Variants in EBF2 observed in about 807,000 individuals in gnomAD.
The protein encoded by EBF2 is transcription factor COE2.
EBF2 carries 21 observed loss-of-function variants against 72.8 expected under a neutral mutation model. The observed-to-expected ratio is 0.29, with a 90% confidence interval of 0.20 to 0.42. EBF2 has a LOEUF of 0.42. Among genes scored for constraint, EBF2 ranks in the 10% least tolerant of loss-of-function variants. The pLI is 1.00. For synonymous variants in EBF2, 299 were observed against 274.2 expected (o/e 1.09, Z -0.89); for missense variants, 637 against 731.2 (o/e 0.87, Z 1.49).
At chr8:26,038,711 T>C (rs1355487331) in intron 5 of EBF2, among the ~76,000 whole-genome samples, 2 of 152,240 alleles carry the variant, frequency 1.3e-5, no homozygotes, top group Non-Finnish European at 2.9e-5. Flanking sequence ...TCTATCTTCT[T>C]ACTCCTCCCA....
At chr8:26,035,354 T>G (rs947230195) in intron 5 of EBF2, among the ~76,000 whole-genome samples, 1 of 152,138 alleles carries the variant, frequency 6.6e-6, no homozygotes, top group Non-Finnish European at 1.5e-5. Context: ...CTTGCTGTGT[T>G]GCCCAGGCTG....
chr8:25,942,120 A>G (rs1803684726), intron 6 of EBF2, among the ~76,000 whole-genome samples: 1 of 152,216 alleles, frequency 6.6e-6, no homozygotes. Flanking sequence ...AGAGGTGAGC[A>G]CAGAGAGCAC....
intron 6 of EBF2, among the ~76,000 whole-genome samples, chr8:25,978,603 A>G (rs901173): frequency 0.27 from 40,650 of 152,066 alleles, 5,946 homozygotes; most frequent in Middle Eastern, 0.43. Flanking sequence ...ACATGAATGA[A>G]AGCGGAAAGG....
chr8:25,873,368 G>C (rs1462656088), intron 10 of EBF2, among the ~76,000 whole-genome samples: 1 of 152,190 alleles, frequency 6.6e-6, no homozygotes, highest in East Asian at 1.9e-4. Flanking sequence ...TTGGAGCAGT[G>C]GCTTTCTTCT....
Position 26,041,185 on chromosome 8 carries a change from C to T in EBF2, c.289-183G>A, listed in dbSNP as rs534528998. 15 of 652,790 alleles carry T rather than the reference C, an allele frequency of 2.3e-5. 1 individual carries two copies. The highest frequency in any genetic ancestry group is 2.0e-4 in the South Asian group (11 of 53,706). The allele number at this position is 652,790 out of a possible 1,614,324, so 40.4% of individuals were successfully genotyped here. A position where few individuals can be genotyped will look rare whatever the true frequency, so the allele number is the denominator to read the frequency against. ...GCCTGTCCTTGGCCGCCCCCGGAAA[C>T]TTGCCAAGACTCGTAGCCACTTGAC... On this transcript the variant is annotated intron_variant, in intron 2 of 15. Coordinates refer to ENST00000520164, the MANE Select transcript of EBF2 (RefSeq NM_022659.4).
intron 15 of EBF2, among the ~76,000 whole-genome samples, chr8:25,849,781 C>G (rs929021215): frequency 5.3e-5 from 8 of 152,144 alleles, no homozygotes; most frequent in African/African-American, 1.9e-4. Context: ...TTCTTAGAAA[C>G]TATGACTTTT....
chr8:26,044,631 GGAGA>G lies in EBF2; in HGVS notation c.131+94_131+97del, dbSNP rs1278173712. ...GCCTGGGCGACAGATGGGGGGACAG[GGAGA>G]GAGAAAGGCACGGGGTGCGCGGGGG... On this transcript the variant is annotated intron_variant, in intron 1 of 15. Coordinates refer to ENST00000520164, the MANE Select transcript of EBF2 (RefSeq NM_022659.4). The surrounding 1 kb of genome is among the most constrained non-coding windows in gnomAD (Gnocchi z 4.1). The G allele has an allele frequency of 2.2e-5, 33 of 1,510,414 alleles. No individual in the cohort carries two copies. The highest frequency in any genetic ancestry group is 2.8e-5 in the Non-Finnish European group (31 of 1,117,374). 93.6% of individuals were successfully genotyped at this position (1,510,414 alleles called of 1,614,324 possible).
At chr8:25,911,478 A>T (rs574980789) in intron 6 of EBF2, among the ~76,000 whole-genome samples, 1 of 152,260 alleles carries the variant, frequency 6.6e-6, no homozygotes, top group South Asian at 2.1e-4. Flanking sequence ...TCCGGTCCCT[A>T]GGTCAGTGGG....
chr8:25,915,609 A>G (rs1009911774), intron 6 of EBF2, among the ~76,000 whole-genome samples: 1 of 10,524 alleles, frequency 9.5e-5, no homozygotes, highest in Admixed American at 1.5e-3. Flanking sequence ...AGCCTTTTGG[A>G]AAAAAAAAAA....
rs1354066136 is a variant in EBF2 at position 25,888,015 on chromosome 8, G to A, written c.752-43C>T. 3 of 1,548,742 alleles carry A rather than the reference G, an allele frequency of 1.9e-6. No homozygotes were observed. In the African/African-American group the frequency reaches 4.1e-5, roughly 21 times the overall value. On this transcript the variant is annotated intron_variant, in intron 8 of 15. Coordinates refer to ENST00000520164, the MANE Select transcript of EBF2 (RefSeq NM_022659.4). ...AAAAAGTCAGGTTTGTTCTTTCATGGGTGTCCAACTTTTTGGCTTCCCAGG... is the reference window on the plus strand; with the variant it reads ...AAAAAGTCAGGTTTGTTCTTTCATGAGTGTCCAACTTTTTGGCTTCCCAGG...
chr8:25,914,567 T>C (rs1277173791), intron 6 of EBF2, among the ~76,000 whole-genome samples: 2 of 152,186 alleles, frequency 1.3e-5, no homozygotes, highest in Admixed American at 1.3e-4. Flanking sequence ...GGGCTCTTGT[T>C]ACACCCTACA....
intron 6 of EBF2, among the ~76,000 whole-genome samples, chr8:26,025,632 CT>C (rs911794341): frequency 6.6e-6 from 1 of 152,082 alleles, no homozygotes; most frequent in African/African-American, 2.4e-5. Context: ...AATTTTGTTT[CT>C]TTTTTACCAC....
chr8:25,886,623 T>C (rs1233085080), intron 10 of EBF2, 132 bp downstream of exon 10: 4 of 1,074,894 alleles, frequency 3.7e-6, no homozygotes, highest in Non-Finnish European at 5.2e-6. Flanking sequence ...TCAACATCTA[T>C]CACTCAGCTC....
intron 6 of EBF2, among the ~76,000 whole-genome samples, chr8:25,930,971 C>T (rs1300179876): frequency 2.0e-5 from 3 of 152,100 alleles, no homozygotes; most frequent in Non-Finnish European, 4.4e-5. Context: ...ATTATATGGC[C>T]TCATAAAAAC....
chr8:25,871,454 T>G lies in EBF2; in HGVS notation c.1010-8657A>C, dbSNP rs138933254. ...ATATGCTTCAATCTATAGGCTCTAT[T>G]TATCTATGTCTTTCTTTAGTAATAT... On this transcript the variant is annotated intron_variant, in intron 10 of 15. Coordinates refer to ENST00000520164, the MANE Select transcript of EBF2 (RefSeq NM_022659.4). Among the ~76,000 whole-genome samples, 1,032 of 152,348 alleles carry G rather than the reference T, an allele frequency of 6.8e-3. 6 individuals carry two copies. The highest frequency in any genetic ancestry group is 9.9e-3 in the Non-Finnish European group (673 of 68,036).
chr8:26,032,729 G>A lies in EBF2; in HGVS notation c.551+356C>T, dbSNP rs143566269. On this transcript the variant is annotated intron_variant, in intron 6 of 15. Coordinates refer to ENST00000520164, the MANE Select transcript of EBF2 (RefSeq NM_022659.4). ...AGCAGCAATCACCGAGAATAATAAA[G>A]TGGGTGCCACTTAACTTGGGGCACA... The A allele has an allele frequency of 3.5e-3, 700 of 199,786 alleles. 4 individuals carry two copies. The highest frequency in any genetic ancestry group is 0.011 in the African/African-American group (490 of 43,482). The allele number at this position is 199,786 out of a possible 1,614,324, so 12.4% of individuals were successfully genotyped here. A position where few individuals can be genotyped will look rare whatever the true frequency, so the allele number is the denominator to read the frequency against.
chr8:25,982,975 CA>C (rs1374313098), intron 6 of EBF2, among the ~76,000 whole-genome samples: 2 of 151,608 alleles, frequency 1.3e-5, no homozygotes, highest in Admixed American at 1.3e-4. Flanking sequence ...AAAATAGGTA[CA>C]ATAATCTCAA....
intron 6 of EBF2, among the ~76,000 whole-genome samples, chr8:25,916,650 A>AC (rs949149300): frequency 2.0e-5 from 3 of 152,164 alleles, no homozygotes; most frequent in African/African-American, 7.2e-5. Context: ...AGAAAAAAAA[A>AC]CCACACATGT....
At chr8:25,935,106 C>CT (rs1018552025) in intron 6 of EBF2, among the ~76,000 whole-genome samples, 10 of 152,030 alleles carry the variant, frequency 6.6e-5, no homozygotes, top group Non-Finnish European at 1.0e-4. Flanking sequence ...TTTTAAGTGG[C>CT]TTTTTTGGAT....
Sources: gnomAD v4.1 joint callset for allele counts (sites outside exome capture counted in the v4.1 genomes callset) on GRCh38, gnomAD v4.1.1 for gene constraint, Gnocchi (gnomAD v3.1) non-coding constraint, MANE v1.5 for transcripts, NCBI Gene and HGNC (gene_info 2026-07-23, HGNC 2026-07-21) for gene names.